The following PIP4K2A variants were observed in gnomAD, a reference collection of about 807,000 sequenced individuals.
PIP4K2A encodes phosphatidylinositol 5-phosphate 4-kinase type-2 alpha.
PIP4K2A carries 14 observed loss-of-function variants against 42.9 expected under a neutral mutation model. That is an observed-to-expected ratio of 0.33 (90% confidence interval 0.22 to 0.51). The LOEUF is 0.51. Among genes scored for constraint, PIP4K2A ranks in the 20% least tolerant of loss-of-function variants. PIP4K2A has a pLI of 0.97. For missense variants in PIP4K2A, 434 were observed against 519.8 expected (o/e 0.83, Z 1.61); for synonymous variants, 192 against 192.2 (o/e 1.00, Z 0.01).
chr10:22,646,967 A>C (rs78953090), intron 1 of PIP4K2A, among the ~76,000 whole-genome samples: 2 of 152,100 alleles, frequency 1.3e-5, no homozygotes, highest in South Asian at 2.1e-4. Flanking sequence ...ACAAAAAAAA[A>C]CAAACCAGGA....
intron 1 of PIP4K2A, among the ~76,000 whole-genome samples, chr10:22,665,380 C>G (rs1364832049): frequency 6.6e-6 from 1 of 152,192 alleles, no homozygotes; most frequent in Admixed American, 6.6e-5. Flanking sequence ...AATTATATTA[C>G]TTCAGAGAGT....
chr10:22,536,369 A>G lies in PIP4K2A; in HGVS notation c.*832T>C. 1 of 354,870 alleles carries G rather than the reference A, an allele frequency of 2.8e-6. No homozygotes were observed. Among genetic ancestry groups the G allele is most frequent in the Non-Finnish European group, 5.0e-6 (1 of 198,504 alleles). 22.0% of individuals were successfully genotyped at this position (354,870 alleles called of 1,614,324 possible). A position where few individuals can be genotyped will look rare whatever the true frequency, so the allele number is the denominator to read the frequency against. ...AGGGTGAACAATGAAGGCTCCAGGC[A>G]AGAAAAGAGAAGTAAGCAGTTTTCC... is the stretch of plus-strand genomic sequence containing the variant. On this transcript the variant is annotated 3_prime_UTR_variant, in exon 10 of 10. Coordinates refer to ENST00000376573, the MANE Select transcript of PIP4K2A (RefSeq NM_005028.5).
At chr10:22,670,270 TTGGGAGGCTGAGG>T (rs1839424564) in intron 1 of PIP4K2A, among the ~76,000 whole-genome samples, 1 of 152,086 alleles carries the variant, frequency 6.6e-6, no homozygotes, top group South Asian at 2.1e-4. Flanking sequence ...TCCCACCTAC[TTGGGAGGCTGAGG>T]TGGGAGGATC....
At chr10:22,611,797 G>C (rs1179054462) in intron 1 of PIP4K2A, among the ~76,000 whole-genome samples, 1 of 152,216 alleles carries the variant, frequency 6.6e-6, no homozygotes. Flanking sequence ...TCCAAGTCTT[G>C]TGATAATAAA....
At chr10:22,664,104 C>CGTATGTATATATACAT (rs773759044) in intron 1 of PIP4K2A, among the ~76,000 whole-genome samples, 6 of 50,368 alleles carry the variant, frequency 1.2e-4, no homozygotes, top group Non-Finnish European at 1.9e-4. Flanking sequence ...TATATATATA[C>CGTATGTATATATACAT]ATATATATAT....
chr10:22,667,966 AAGAC>A (rs946803561), intron 1 of PIP4K2A, among the ~76,000 whole-genome samples: 18 of 138,958 alleles, frequency 1.3e-4, no homozygotes, highest in Admixed American at 8.7e-4. Context: ...GACAGACAGA[AAGAC>A]AGACAGAGTC....
intron 6 of PIP4K2A, among the ~76,000 whole-genome samples, chr10:22,555,904 A>G (rs1199489474): frequency 6.6e-6 from 1 of 152,152 alleles, no homozygotes; most frequent in Non-Finnish European, 1.5e-5. Context: ...GCTTAAAAAA[A>G]AAAAAAAAAT....
intron 5 of PIP4K2A, chr10:22,569,122 G>A: frequency 8.7e-7 from 1 of 1,154,414 alleles, no homozygotes; most frequent in Non-Finnish European, 1.3e-6. Context: ...CTAGGATTGA[G>A]CTTCCTGCAA....
chr10:22,678,368 A>G (rs920681885), intron 1 of PIP4K2A, among the ~76,000 whole-genome samples: 4 of 152,070 alleles, frequency 2.6e-5, no homozygotes, highest in African/African-American at 9.7e-5. Flanking sequence ...GAGAACACAC[A>G]TACATACACA....
intron 1 of PIP4K2A, among the ~76,000 whole-genome samples, chr10:22,659,314 G>T (rs1276296877): frequency 6.6e-6 from 1 of 152,206 alleles, no homozygotes; most frequent in Non-Finnish European, 1.5e-5. Context: ...CTTTGATTTG[G>T]CTGGGTGCAG....
intron 5 of PIP4K2A, among the ~76,000 whole-genome samples, chr10:22,568,535 G>T (rs527974370): frequency 1.3e-5 from 2 of 152,120 alleles, no homozygotes; most frequent in Non-Finnish European, 2.9e-5. Context: ...TTTGTGCCAG[G>T]CCCTATGCTG....
intron 4 of PIP4K2A, among the ~76,000 whole-genome samples, chr10:22,575,772 T>C (rs1837100309): frequency 6.6e-6 from 1 of 151,988 alleles, no homozygotes; most frequent in Non-Finnish European, 1.5e-5. Context: ...ACCCCATCTC[T>C]ACTAAAAATA....
At chr10:22,704,690 A>C (rs1266057418) in intron 1 of PIP4K2A, among the ~76,000 whole-genome samples, 1 of 151,372 alleles carries the variant, frequency 6.6e-6, no homozygotes, top group Non-Finnish European at 1.5e-5. Flanking sequence ...AAACACGAGA[A>C]GACACTAAAA....
chr10:22,562,728 C>T (rs902659941), intron 6 of PIP4K2A, among the ~76,000 whole-genome samples: 3 of 152,190 alleles, frequency 2.0e-5, no homozygotes, highest in Non-Finnish European at 2.9e-5. Context: ...CTTCTCTTCT[C>T]GACACGCTCC....
At chr10:22,539,796 C>T (rs562587770) in intron 9 of PIP4K2A, among the ~76,000 whole-genome samples, 175 bp downstream of exon 9, 194 of 151,030 alleles carry the variant, frequency 1.3e-3, no homozygotes, top group African/African-American at 3.9e-3. Context: ...AGGGAACAAG[C>T]GTCACTAAAG....
intron 1 of PIP4K2A, among the ~76,000 whole-genome samples, chr10:22,668,162 G>A (rs1839385901): frequency 6.6e-6 from 1 of 152,156 alleles, no homozygotes; most frequent in Admixed American, 6.5e-5. Context: ...ATGTTGGCCA[G>A]GCTGGTCTTG....
intron 1 of PIP4K2A, among the ~76,000 whole-genome samples, chr10:22,670,937 A>C (rs1839437059): frequency 6.6e-6 from 1 of 152,174 alleles, no homozygotes; most frequent in African/African-American, 2.4e-5. Context: ...TCCTGGAATA[A>C]ATTGGCTCAG....
chr10:22,662,203 A>AT (rs1839216234), intron 1 of PIP4K2A, among the ~76,000 whole-genome samples: 3 of 152,264 alleles, frequency 2.0e-5, no homozygotes, highest in South Asian at 4.1e-4. Context: ...CTTCATTTTC[A>AT]TTTTTACAAA....
At chr10:22,557,082 C>T (rs557167476) in intron 6 of PIP4K2A, among the ~76,000 whole-genome samples, 12 of 152,276 alleles carry the variant, frequency 7.9e-5, no homozygotes, top group Non-Finnish European at 1.0e-4. Context: ...GAATTACTTA[C>T]GCCCTAGGGT....
Sources: allele counts gnomAD v4.1 joint callset (sites outside exome capture counted in the v4.1 genomes callset), GRCh38; gene constraint gnomAD v4.1.1; transcripts MANE v1.5; gene names NCBI Gene and HGNC (gene_info 2026-07-23, HGNC 2026-07-21).